The following ELOVL6 variants were observed in gnomAD, a reference collection of about 807,000 sequenced individuals.
ELOVL6 encodes very long chain fatty acid elongase 6.
ELOVL6 carries 8 observed loss-of-function variants against 31.7 expected under a neutral mutation model. That is an observed-to-expected ratio of 0.25 (90% confidence interval 0.15 to 0.45). The LOEUF is 0.45. Ranked by LOEUF, ELOVL6 falls within the 20% of genes least tolerant of loss-of-function variation. The pLI is 1.00. For synonymous variants in ELOVL6, 101 were observed against 117.7 expected, an observed-to-expected ratio of 0.86 and a Z score of 0.92; for missense variants, 126 against 326.4, an observed-to-expected ratio of 0.39 and a Z score of 4.73.
chr4:110,075,882 T>C (rs937635006), intron 2 of ELOVL6, among the ~76,000 whole-genome samples: 10 of 152,210 alleles, frequency 6.6e-5, no homozygotes, highest in Non-Finnish European at 1.0e-4. Context: ...ATTTTCAAGT[T>C]AATGACTTGT....
intron 1 of ELOVL6, among the ~76,000 whole-genome samples, chr4:110,175,047 T>TAA (rs570462875): frequency 1.4e-5 from 2 of 146,890 alleles, no homozygotes; most frequent in African/African-American, 2.5e-5. Context: ...TTTAAAAAAC[T>TAA]AAAAAAAAAA....
chr4:110,176,335 G>A (rs1363992422), intron 1 of ELOVL6, among the ~76,000 whole-genome samples: 1 of 151,900 alleles, frequency 6.6e-6, no homozygotes, highest in Non-Finnish European at 1.5e-5. Flanking sequence ...GATAATTTTT[G>A]TATTTTTAAC....
At chr4:110,084,025 G>GATATATGATATATATAA in intron 2 of ELOVL6, among the ~76,000 whole-genome samples, 1 of 7,466 alleles carries the variant, frequency 1.3e-4, no homozygotes, top group African/African-American at 3.9e-4. Flanking sequence ...TATAACATAT[G>GATATATGATATATATAA]CCATATATGG....
At chr4:110,060,566 G>GT (rs1359736123) in intron 2 of ELOVL6, among the ~76,000 whole-genome samples, 1 of 152,196 alleles carries the variant, frequency 6.6e-6, no homozygotes, top group Non-Finnish European at 1.5e-5. Flanking sequence ...CAGAGAACTG[G>GT]TAAGGAAATA....
chr4:110,094,483 T>C (rs1278023967), intron 2 of ELOVL6, among the ~76,000 whole-genome samples: 1 of 137,176 alleles, frequency 7.3e-6, no homozygotes, highest in African/African-American at 2.7e-5. Flanking sequence ...AAAATATATG[T>C]AATTATAATA....
At chr4:110,129,826 G>A (rs544582118) in intron 1 of ELOVL6, among the ~76,000 whole-genome samples, 2 of 151,788 alleles carry the variant, frequency 1.3e-5, no homozygotes, top group Admixed American at 6.6e-5. Context: ...AGTGAAACAA[G>A]GCAATTCCCA....
At chr4:110,158,657 A>ATATATATAT in intron 1 of ELOVL6, among the ~76,000 whole-genome samples, 2 of 74,160 alleles carry the variant, frequency 2.7e-5, no homozygotes, top group African/African-American at 8.3e-5. Flanking sequence ...ATATATATAT[A>ATATATATAT]TTTTTTTTTT....
intron 1 of ELOVL6, among the ~76,000 whole-genome samples, chr4:110,154,357 G>A (rs1303289186): frequency 6.6e-6 from 1 of 152,192 alleles, no homozygotes; most frequent in Non-Finnish European, 1.5e-5. Flanking sequence ...CCAGGTTCAG[G>A]TGATTCTCCT....
intron 2 of ELOVL6, among the ~76,000 whole-genome samples, chr4:110,070,669 C>G (rs1471108647): frequency 6.6e-6 from 1 of 152,126 alleles, no homozygotes; most frequent in Non-Finnish European, 1.5e-5. Flanking sequence ...GTGGACTTCC[C>G]CCTTGCCGTT....
At chr4:110,133,030 C>A (rs939908085) in intron 1 of ELOVL6, among the ~76,000 whole-genome samples, 9 of 151,912 alleles carry the variant, frequency 5.9e-5, no homozygotes, top group African/African-American at 2.2e-4. Flanking sequence ...ATGAGATCAT[C>A]CAAGGGGAAT....
At chr4:110,061,127 C>T (rs758844780) in intron 2 of ELOVL6, among the ~76,000 whole-genome samples, 2 of 152,166 alleles carry the variant, frequency 1.3e-5, no homozygotes, top group African/African-American at 4.8e-5. Context: ...TGTCATTTTA[C>T]AGATATAGAT....
intron 1 of ELOVL6, among the ~76,000 whole-genome samples, chr4:110,195,331 G>T (rs928223745): frequency 6.6e-6 from 1 of 151,858 alleles, no homozygotes; most frequent in Non-Finnish European, 1.5e-5. Context: ...TATTGGCCTG[G>T]CTGGTCTCGA....
intron 1 of ELOVL6, among the ~76,000 whole-genome samples, chr4:110,196,328 C>G (rs553937595): frequency 5.1e-4 from 77 of 152,334 alleles, no homozygotes; most frequent in African/African-American, 1.8e-3. Context: ...TGGGCCCGAA[C>G]AGGCCGGCTG....
chr4:110,186,685 G>T (rs1759449103), intron 1 of ELOVL6, among the ~76,000 whole-genome samples: 1 of 150,542 alleles, frequency 6.6e-6, no homozygotes, highest in Non-Finnish European at 1.5e-5. Flanking sequence ...GTGCCTGTAA[G>T]TCCAGCTAGT....
intron 3 of ELOVL6, among the ~76,000 whole-genome samples, chr4:110,052,561 T>A (rs1754862914): frequency 6.6e-6 from 1 of 152,220 alleles, no homozygotes; most frequent in Admixed American, 6.5e-5. Context: ...TCTAACAATA[T>A]CCCTTTGAAG....
intron 1 of ELOVL6, among the ~76,000 whole-genome samples, chr4:110,142,730 G>C (rs1397098708): frequency 2.6e-5 from 4 of 152,168 alleles, no homozygotes; most frequent in Non-Finnish European, 5.9e-5. Context: ...TCAACTTCTA[G>C]TTAATTCCTT....
At chr4:110,134,956 A>G (rs1757774468) in intron 1 of ELOVL6, among the ~76,000 whole-genome samples, 1 of 152,158 alleles carries the variant, frequency 6.6e-6, no homozygotes, top group Non-Finnish European at 1.5e-5. Flanking sequence ...CCCTGTCTCC[A>G]GAAAAAAAAG....
intron 2 of ELOVL6, 142 bp downstream of exon 2, chr4:110,105,355 T>C (rs1004332790): frequency 6.8e-6 from 6 of 885,490 alleles, no homozygotes; most frequent in Admixed American, 5.1e-5. Context: ...GAAGGCTTTC[T>C]TTCTGAACAT....
At position 110,111,028 on chromosome 4, in the gene ELOVL6, A is replaced by G. The variant is rs77103581; in HGVS notation, c.90-5400T>C. On this transcript the variant is annotated intron_variant, in intron 1 of 3. Transcript: ENST00000302274. ...GTGAGAACTAGTTTTTAGTTTTTCT[A>G]TCCTTGAAGTAGGCCATAAGCAAAG... is the stretch of plus-strand genomic sequence containing the variant. Among the ~76,000 whole-genome samples the G allele has an allele frequency of 6.8e-3, 1,037 of 152,294 alleles. 8 individuals carry two copies. Among genetic ancestry groups the G allele is most frequent in the Middle Eastern group, 0.034 (10 of 294 alleles).
Sources: gnomAD v4.1 joint callset for allele counts (sites outside exome capture counted in the v4.1 genomes callset) on GRCh38, gnomAD v4.1.1 for gene constraint, MANE v1.5 for transcripts, NCBI Gene and HGNC (gene_info 2026-07-23, HGNC 2026-07-21) for gene names.